The following PDE10A variants were observed in gnomAD, a reference collection of about 807,000 sequenced individuals.
PDE10A encodes phosphodiesterase 10A.
Under a neutral mutation model 97.7 loss-of-function variants are expected in PDE10A, and 39 were observed. The ratio of observed to expected loss-of-function variants is 0.40; its 90% CI spans 0.31 to 0.52. The LOEUF (loss-of-function observed/expected upper bound fraction) is 0.52, where lower values mean the gene tolerates loss of function less well. Ranked by LOEUF, PDE10A falls within the 20% of genes least tolerant of loss-of-function variation. The pLI is 0.56. For synonymous variants in PDE10A, 371 were observed against 376.8 expected (o/e 0.98, Z 0.18); for missense variants, 731 against 1,047.8 (o/e 0.70, Z 4.17).
At chr6:165,885,139 T>C (rs1388225683) in intron 1 of PDE10A, among the ~76,000 whole-genome samples, 2 of 152,184 alleles carry the variant, frequency 1.3e-5, no homozygotes, top group African/African-American at 4.8e-5. Context: ...AGATTCCAGA[T>C]GAACATGATG....
chr6:165,750,988 T>C (rs900482959), intron 1 of PDE10A, among the ~76,000 whole-genome samples: 3 of 152,174 alleles, frequency 2.0e-5, no homozygotes, highest in African/African-American at 7.2e-5. Flanking sequence ...TGACCCCTAG[T>C]GTGCCTTCAC....
chr6:165,705,233 A>T (rs1054222777), intron 1 of PDE10A, among the ~76,000 whole-genome samples: 5 of 152,230 alleles, frequency 3.3e-5, no homozygotes, highest in African/African-American at 1.2e-4. Flanking sequence ...CCAGGTAGAG[A>T]TCATCTCAGC....
intron 3 of PDE10A, among the ~76,000 whole-genome samples, chr6:165,459,606 T>C (rs1778198530): frequency 6.6e-6 from 1 of 151,666 alleles, no homozygotes; most frequent in South Asian, 2.1e-4. Context: ...ATATAGATAA[T>C]GATTGCAGAT....
chr6:165,332,942 A>T lies in PDE10A; in HGVS notation c.*83T>A. On this transcript the variant is annotated 3_prime_UTR_variant, in exon 22 of 22. Transcript: ENST00000539869. ...CAGTTACCAGGTGCAGGTTCCCCCC[A>T]CCCCCCCCAAAAAAAGGAAAAGAAT... The T allele has an allele frequency of 2.6e-6, 1 of 385,764 alleles. No homozygotes were observed. The allele number at this position is 385,764 out of a possible 1,614,324, so 23.9% of individuals were successfully genotyped here.
intron 2 of PDE10A, among the ~76,000 whole-genome samples, chr6:165,486,916 G>C (rs940504374): frequency 1.3e-5 from 2 of 152,164 alleles, no homozygotes; most frequent in African/African-American, 4.8e-5. Flanking sequence ...GTGAACACTG[G>C]GATTTCTGAC....
At chr6:165,448,563 T>C (rs2128248393) in intron 5 of PDE10A, among the ~76,000 whole-genome samples, 1 of 152,258 alleles carries the variant, frequency 6.6e-6, no homozygotes, top group Admixed American at 6.5e-5. Context: ...CTGTTCTCAT[T>C]TAATTCTACT....
Position 165,395,232 on chromosome 6 carries a change from A to G in PDE10A, c.2252T>C (p.Met751Thr). Residue 751 changes from methionine to threonine, a missense_variant, in exon 15 of 22, where the codon ATG (methionine) becomes ACG (threonine). Physicochemically the swap from Met to Thr is moderately conservative, Grantham distance 81 (BLOSUM62 -1). Coordinates refer to ENST00000539869, the MANE Select transcript of PDE10A (RefSeq NM_001385079.1). ...FHFDIGPFEN[M>T]WPGIFVYMVH... ...CATGTAGACAAAAATTCCAGGCCAC[A>G]TGTTTTCAAAAGGACCAATGTCAAA... 1 of 1,613,408 alleles carries G rather than the reference A, an allele frequency of 6.2e-7. No homozygotes were observed. Among genetic ancestry groups the G allele is most frequent in the South Asian group, 1.1e-5 (1 of 91,068 alleles).
At chr6:165,417,697 A>G (rs2128229989) in intron 11 of PDE10A, among the ~76,000 whole-genome samples, 1 of 152,320 alleles carries the variant, frequency 6.6e-6, no homozygotes, top group African/African-American at 2.4e-5. Context: ...TATAGTGCCT[A>G]TAAATCAGAG....
intron 1 of PDE10A, among the ~76,000 whole-genome samples, chr6:165,606,013 C>A (rs1787188708): frequency 6.6e-6 from 1 of 152,090 alleles, no homozygotes; most frequent in African/African-American, 2.4e-5. Context: ...TTTTGATCCT[C>A]AGACCTAGTA....
At chr6:165,431,333 G>T in intron 8 of PDE10A, 89 bp downstream of exon 8, 2 of 705,730 alleles carry the variant, frequency 2.8e-6, no homozygotes, top group South Asian at 2.3e-5. Context: ...GGCATTGGGT[G>T]ACTTAACCTC....
intron 1 of PDE10A, among the ~76,000 whole-genome samples, chr6:165,565,841 T>C (rs1784752023): frequency 6.6e-6 from 1 of 152,068 alleles, no homozygotes; most frequent in South Asian, 2.1e-4. Context: ...AAAAATACTC[T>C]TTTCAACAAA....
intron 1 of PDE10A, among the ~76,000 whole-genome samples, chr6:165,699,778 A>T (rs1471895510): frequency 6.6e-6 from 1 of 152,204 alleles, no homozygotes; most frequent in Non-Finnish European, 1.5e-5. Flanking sequence ...ATACTTTGAG[A>T]TACATAAAAA....
At chr6:165,415,925 A>G (rs528499905) in intron 12 of PDE10A, among the ~76,000 whole-genome samples, 1 of 152,350 alleles carries the variant, frequency 6.6e-6, no homozygotes, top group South Asian at 2.1e-4. Flanking sequence ...AGCTCTATAA[A>G]TTAAAACTAC....
intron 1 of PDE10A, among the ~76,000 whole-genome samples, chr6:165,872,377 T>C (rs1023096122): frequency 7.3e-5 from 11 of 151,480 alleles, no homozygotes; most frequent in Non-Finnish European, 1.6e-4. Flanking sequence ...TTGTCACATG[T>C]GGTGGGTGTG....
At position 165,450,259 on chromosome 6, in the gene PDE10A, C is replaced by A. The variant is rs1383820725; in HGVS notation, c.1127G>T (p.Ser376Ile). Residue 376 changes from serine to isoleucine, a missense_variant, in exon 4 of 22, where the codon AGC becomes ATC. By Grantham distance (142) the Ser-to-Ile change is moderately radical. Coordinates refer to ENST00000539869, the MANE Select transcript of PDE10A (RefSeq NM_001385079.1). ...GDNQLLLYEL[S>I]SIIKIATKAD... ...CTTCTTACCTATTTTAATGATGCTG[C>A]TCAGTTCATAGAGGAGTAGCTGGTT... 1 of 1,597,444 alleles carries A rather than the reference C, an allele frequency of 6.3e-7. No homozygotes were observed. Among genetic ancestry groups the A allele is most frequent in the Non-Finnish European group, 8.5e-7 (1 of 1,171,208 alleles).
intron 1 of PDE10A, among the ~76,000 whole-genome samples, chr6:165,906,956 C>G (rs1179354459): frequency 6.6e-6 from 1 of 152,208 alleles, no homozygotes; most frequent in East Asian, 1.9e-4. Flanking sequence ...GGAAGGAATG[C>G]AAGTGCTCAC....
At chr6:165,430,368 C>T in intron 8 of PDE10A, 23 bp from the exon 9 acceptor site, 2 of 1,451,234 alleles carry the variant, frequency 1.4e-6, no homozygotes, top group South Asian at 2.4e-5. Context: ...ATAATAGGTA[C>T]AATTACAAGA....
chr6:165,361,641 C>A (rs1783432139), intron 18 of PDE10A, among the ~76,000 whole-genome samples: 1 of 152,046 alleles, frequency 6.6e-6, no homozygotes, highest in Non-Finnish European at 1.5e-5. Context: ...AGGAAAGACA[C>A]CAGGGGAATA....
At chr6:165,340,460 G>A (rs1156231828) in intron 19 of PDE10A, among the ~76,000 whole-genome samples, 3 of 152,164 alleles carry the variant, frequency 2.0e-5, no homozygotes, top group African/African-American at 7.2e-5. Flanking sequence ...GCCACTTCAA[G>A]CATGGCTGCT....
Sources: allele counts gnomAD v4.1 joint callset (sites outside exome capture counted in the v4.1 genomes callset), GRCh38; gene constraint gnomAD v4.1.1; transcripts MANE v1.5; gene names NCBI Gene and HGNC (gene_info 2026-07-23, HGNC 2026-07-21).